DNAJB12: variants seen among roughly 807,000 people sequenced by gnomAD.
DNAJB12 encodes dnaJ homolog subfamily B member 12.
Under a neutral mutation model 40.6 loss-of-function variants are expected in DNAJB12, and 14 were observed. That is an observed-to-expected ratio of 0.34 (90% CI 0.23 to 0.54). The LOEUF (loss-of-function observed/expected upper bound fraction) is 0.54, where lower values mean the gene tolerates loss of function less well. Among genes scored for constraint, DNAJB12 ranks in the 20% least tolerant of loss-of-function variants. DNAJB12 has a pLI of 0.92. For synonymous variants in DNAJB12, 181 were observed against 199.5 expected, an observed-to-expected ratio of 0.91 and a Z score of 0.78; for missense variants, 444 against 501.7, an observed-to-expected ratio of 0.89 and a Z score of 1.10.
chr10:72,341,961 T>C (rs957175883), intron 3 of DNAJB12, among the ~76,000 whole-genome samples: 1 of 152,214 alleles, frequency 6.6e-6, no homozygotes, highest in African/African-American at 2.4e-5. Flanking sequence ...TCTTTCCTCA[T>C]TCTCTCTTGA....
At chr10:72,352,481 A>G (rs2132009362) in intron 1 of DNAJB12, among the ~76,000 whole-genome samples, 1 of 152,262 alleles carries the variant, frequency 6.6e-6, no homozygotes, top group South Asian at 2.1e-4. Flanking sequence ...GTGAGATAAC[A>G]TTATTTTTAT....
chr10:72,340,997 C>T lies in DNAJB12; in HGVS notation c.631G>A (p.Gly211Ser), dbSNP rs752220148. The change falls in exon 4 of 9, where the codon GGC (glycine) becomes AGC (serine). Residue 211 changes from glycine (G) to serine (S), a missense_variant. Coordinates refer to ENST00000444643, the MANE Select transcript of DNAJB12 (RefSeq NM_017626.7). ...GTGGGGAACTTACTAGAAGGGAAGCCGCCGCCAAAGAACATGTTGAAGAGG... is the reference window on the plus strand; with the variant it reads ...GTGGGGAACTTACTAGAAGGGAAGCTGCCGCCAAAGAACATGTTGAAGAGG... ...EDLFNMFFGG[G>S]FPSSNVHVYS... The T allele has an allele frequency of 6.2e-6, 10 of 1,613,204 alleles. No individual in the cohort carries two copies. The highest frequency in any genetic ancestry group is 1.3e-5 in the African/African-American group (1 of 74,888).
intron 1 of DNAJB12, among the ~76,000 whole-genome samples, chr10:72,349,488 G>A (rs1454661766): frequency 2.0e-5 from 3 of 152,212 alleles, no homozygotes; most frequent in Non-Finnish European, 4.4e-5. Flanking sequence ...AAGAGAAACC[G>A]AAAGATGAAG....
At chr10:72,354,244 G>A (rs1299951977) in intron 1 of DNAJB12, 1 of 153,490 alleles carries the variant, frequency 6.5e-6, no homozygotes, top group Non-Finnish European at 1.5e-5. Context: ...TGCATTTTGG[G>A]AGAGTGGTCC....
intron 3 of DNAJB12, 79 bp from the exon 4 acceptor site, chr10:72,341,249 TTTCTC>T: frequency 7.2e-7 from 1 of 1,391,176 alleles, no homozygotes; most frequent in Non-Finnish European, 9.9e-7. Context: ...AGTGCTCACT[TTTCTC>T]AGGTACTCAA....
chr10:72,336,024 G>A, intron 7 of DNAJB12, 93 bp from the exon 8 acceptor site: 1 of 1,518,562 alleles, frequency 6.6e-7, no homozygotes, highest in Non-Finnish European at 9.0e-7. Flanking sequence ...GAGGAAAGCT[G>A]GTACATGCCC....
rs1224374400 is a variant in DNAJB12, at chr10:72,333,082, A to C, written c.*1566T>G. The stretch of plus-strand genomic sequence containing the variant: ...AGTGGCTGCTTCATTGCAGGGTTGG[A>C]CCTTGTTTAAAAACCAGATTTGACA... On this transcript the variant is annotated 3_prime_UTR_variant, in exon 9 of 9. Transcript: ENST00000444643. The C allele has an allele frequency of 3.3e-5, 5 of 152,438 alleles. No homozygotes were observed. The highest frequency in any genetic ancestry group is 6.5e-5 in the Admixed American group (1 of 15,272). 9.4% of individuals were successfully genotyped at this position (152,438 alleles called of 1,614,324 possible). A position where few individuals can be genotyped will look rare whatever the true frequency, so the allele number is the denominator to read the frequency against.
chr10:72,336,853 G>C, intron 6 of DNAJB12, 157 bp from the exon 7 acceptor site: 1 of 587,688 alleles, frequency 1.7e-6, no homozygotes, highest in Non-Finnish European at 2.9e-6. Context: ...TGAAAGGAGA[G>C]TCTGAGGAAA....
chr10:72,334,357 G>A lies in DNAJB12; in HGVS notation c.*291C>T. 6 of 545,892 alleles carry A rather than the reference G, an allele frequency of 1.1e-5. No individual in the cohort carries two copies. Among genetic ancestry groups the A allele is most frequent in the South Asian group, 4.4e-5 (2 of 44,962 alleles). 33.8% of individuals were successfully genotyped at this position (545,892 alleles called of 1,614,324 possible). On this transcript the variant is annotated 3_prime_UTR_variant, in exon 9 of 9. Transcript: ENST00000444643. ...GCTGCGAGTTTTACATTCTACTTTC[G>A]TTGCCATGGTTTCTGTATCCTAGGA... is the stretch of plus-strand genomic sequence containing the variant.
intron 1 of DNAJB12, among the ~76,000 whole-genome samples, chr10:72,347,647 G>C (rs112873273): frequency 3.3e-5 from 5 of 152,376 alleles, no homozygotes; most frequent in African/African-American, 9.6e-5. Flanking sequence ...TGGGCGCTGT[G>C]GCTCACGCCT....
chr10:72,354,474 C>T (rs1188937050), intron 1 of DNAJB12: 9 of 415,330 alleles, frequency 2.2e-5, no homozygotes. Flanking sequence ...AGGTAAGTTC[C>T]CTTCGTCCCG....
chr10:72,354,637 C>A, intron 1 of DNAJB12, 128 bp downstream of exon 1: 1 of 841,226 alleles, frequency 1.2e-6, no homozygotes, highest in Non-Finnish European at 1.8e-6. Flanking sequence ...AGCCACCGCG[C>A]GCCTCAGTGC....
At chr10:72,348,440 C>A (rs1861853395) in intron 1 of DNAJB12, among the ~76,000 whole-genome samples, 1 of 152,216 alleles carries the variant, frequency 6.6e-6, no homozygotes, top group Non-Finnish European at 1.5e-5. Flanking sequence ...ACCCAGCATC[C>A]CTCTGTGCTA....
Position 72,338,251 on chromosome 10 carries a change from G to C in DNAJB12, c.784C>G (p.Leu262Val), listed in dbSNP as rs779276950. The C allele has an allele frequency of 5.0e-6, 8 of 1,614,110 alleles. No homozygotes were observed. The highest frequency in any genetic ancestry group is 5.1e-6 in the Non-Finnish European group (6 of 1,180,004). Residue 262 changes from leucine (L) to valine (V), a missense_variant, in exon 6 of 9, where the codon CTC (leucine) becomes GTC (valine). By Grantham distance (32) the Leu-to-Val change is conservative. Transcript: ENST00000444643. ...GGACTGGAGACCATGAGCTGGCTGA[G>C]AGCTGACACGAGAATCAGGATGAGG... ...PILILILVSA[L>V]SQLMVSSPPY...
chr10:72,348,831 A>G (rs1320946785), intron 1 of DNAJB12, among the ~76,000 whole-genome samples: 1 of 152,210 alleles, frequency 6.6e-6, no homozygotes, highest in East Asian at 1.9e-4. Context: ...GTACTTTCAC[A>G]GTGATCTGCA....
intron 6 of DNAJB12, 44 bp from the exon 7 acceptor site, chr10:72,336,740 C>G: frequency 6.3e-7 from 1 of 1,576,502 alleles, no homozygotes; most frequent in Non-Finnish European, 8.7e-7. Context: ...GGTCCCCATG[C>G]CCAGGGCACT....
Position 72,333,895 on chromosome 10 carries a change from G to C in DNAJB12, c.*753C>G, listed in dbSNP as rs924169317. 2.0e-5 allele frequency: 3 copies of C among 153,184 alleles called. No homozygotes were observed. The highest frequency in any genetic ancestry group is 7.2e-5 in the African/African-American group (3 of 41,410). The allele number at this position is 153,184 out of a possible 1,614,324, so 9.5% of individuals were successfully genotyped here. A position where few individuals can be genotyped will look rare whatever the true frequency, so the allele number is the denominator to read the frequency against. On this transcript the variant is annotated 3_prime_UTR_variant, in exon 9 of 9. Transcript: ENST00000444643. ...TTAACCATAATCCTGAGGCCTTCGCGGGTTCACACTATCATGATTACTGCT... is the reference window on the plus strand; with the variant it reads ...TTAACCATAATCCTGAGGCCTTCGCCGGTTCACACTATCATGATTACTGCT...
intron 5 of DNAJB12, among the ~76,000 whole-genome samples, chr10:72,339,542 A>T (rs1384788720): frequency 4.0e-5 from 5 of 124,796 alleles, no homozygotes; most frequent in African/African-American, 1.5e-4. Flanking sequence ...TCAAAAAATT[A>T]AAAAAAAAAA....
intron 1 of DNAJB12, chr10:72,354,484 G>A (rs2132012920): frequency 4.8e-6 from 2 of 419,830 alleles, no homozygotes; most frequent in Non-Finnish European, 8.6e-6. Context: ...CCTTCGTCCC[G>A]GCTGCCAGCG....
Sources: gnomAD v4.1 joint callset for allele counts (sites outside exome capture counted in the v4.1 genomes callset) on GRCh38, gnomAD v4.1.1 for gene constraint, MANE v1.5 for transcripts, NCBI Gene and HGNC (gene_info 2026-07-23, HGNC 2026-07-21) for gene names.